ARSG: variants seen among roughly 807,000 people sequenced by gnomAD.
ARSG encodes ASG.
ARSG carries 37 observed loss-of-function variants against 50.5 expected under a neutral mutation model. The observed-to-expected ratio is 0.73, with a 90% CI of 0.56 to 0.96. The LOEUF is 0.96. ARSG is among the 50% of genes least tolerant of loss of function. The pLI is 0.00. For synonymous variants in ARSG, 225 were observed against 254.6 expected (o/e 0.88, Z 1.11); for missense variants, 629 against 675.3 (o/e 0.93, Z 0.76).
At chr17:68,314,771 T>C (rs1555767946) in intron 2 of ARSG, among the ~76,000 whole-genome samples, 1 of 152,200 alleles carries the variant, frequency 6.6e-6, no homozygotes, top group African/African-American at 2.4e-5. Flanking sequence ...ATACAATAGA[T>C]AGGGTTCTAT....
chr17:68,399,722 C>A lies in ARSG; in HGVS notation c.1213-1638C>A, dbSNP rs2147209095. 6.6e-6 allele frequency among the ~76,000 whole-genome samples: 1 copy of A among 152,280 alleles called. No individual in the cohort carries two copies. The highest frequency in any genetic ancestry group is 1.5e-5 in the Non-Finnish European group (1 of 68,034). Reference sequence around the variant, plus strand: ...AAATAGTGGGAATATAGCAGCCCACCCTCATGGAATTTCTGTGACTGAGAC... The same window carrying A: ...AAATAGTGGGAATATAGCAGCCCACACTCATGGAATTTCTGTGACTGAGAC... On this transcript the variant is annotated intron_variant, in intron 10 of 11. Transcript: ENST00000621439. The surrounding 1 kb of genome is among the most constrained non-coding windows in gnomAD (Gnocchi z 4.6).
intron 11 of ARSG, chr17:68,413,883 GCCGTCTGTCA>G (rs2082184238): frequency 6.6e-6 from 1 of 152,480 alleles, no homozygotes; most frequent in Non-Finnish European, 1.5e-5. Context: ...TTTTCCAGGT[GCCGTCTGTCA>G]CCCCTTTCTT....
intron 2 of ARSG, among the ~76,000 whole-genome samples, chr17:68,329,556 G>A (rs896516521): frequency 6.6e-6 from 1 of 152,174 alleles, no homozygotes; most frequent in Non-Finnish European, 1.5e-5. Flanking sequence ...GCTGAGATGA[G>A]CACAGTCTAA....
rs558488777 is a variant in ARSG, at chr17:68,329,981, G to A, written c.219-13623G>A. ...TCCCAGCACTTTGGGAAGCCAAGAC[G>A]GGTGGATCACCTGAGGTTGGGGGTT... On this transcript the variant is annotated intron_variant, in intron 2 of 11. Coordinates refer to ENST00000621439, the MANE Select transcript of ARSG (RefSeq NM_001267727.2). 8.5e-5 allele frequency among the ~76,000 whole-genome samples: 13 copies of A among 152,134 alleles called. No homozygotes were observed. The East Asian group carries it at 1.4e-3, about 16-fold the overall frequency.
At chr17:68,289,955 C>T (rs1555755297), upstream of ARSG, among the ~76,000 whole-genome samples, 1 of 152,106 alleles carries the variant, frequency 6.6e-6, no homozygotes, top group Admixed American at 6.5e-5. Context: ...ATCATCTGGC[C>T]GGATGTATTG....
At position 68,330,983 on chromosome 17, in the gene ARSG, G is replaced by C. The variant is rs934580632; in HGVS notation, c.219-12621G>C. On this transcript the variant is annotated intron_variant, in intron 2 of 11. Coordinates refer to ENST00000621439, the MANE Select transcript of ARSG (RefSeq NM_001267727.2). Reference sequence around the variant, plus strand: ...TCTTTATTTCTTTTTTTTTGCGGGGGGGGGGGGAGGTGGTGGGCGGGGACA... The same window carrying C: ...TCTTTATTTCTTTTTTTTTGCGGGGCGGGGGGGAGGTGGTGGGCGGGGACA... Among the ~76,000 whole-genome samples the C allele has an allele frequency of 1.7e-4, 15 of 89,482 alleles. No individual in the cohort carries two copies. The South Asian group carries it at 2.1e-3, about 13-fold the overall frequency. The allele number at this position is 89,482 out of a possible 152,430, so 58.7% of individuals were successfully genotyped here.
In ARSG at chr17:68,403,401, C is replaced by G. The variant is rs552899695; in HGVS notation, c.1303+1951C>G. Among the ~76,000 whole-genome samples the G allele has an allele frequency of 3.3e-5, 5 of 152,314 alleles. No individual in the cohort carries two copies. The South Asian group carries it at 6.2e-4, about 19-fold the overall frequency. ...GAGGTCTGCTCTTCTAAGGAGTCAC[C>G]AAACTCCCAAGAGAGTCTGGGTAGG... is the stretch of plus-strand genomic sequence containing the variant. On this transcript the variant is annotated intron_variant, in intron 11 of 11. Coordinates refer to ENST00000621439, the MANE Select transcript of ARSG (RefSeq NM_001267727.2).
chr17:68,403,857 C>G lies in ARSG; in HGVS notation c.1303+2407C>G, dbSNP rs368557456. 2.0e-5 allele frequency among the ~76,000 whole-genome samples: 3 copies of G among 152,236 alleles called. No individual in the cohort carries two copies. In the East Asian group the frequency reaches 5.8e-4, roughly 29 times the overall value. The stretch of plus-strand genomic sequence containing the variant: ...ATATCTCCTAATGCTTTCCCTCCCC[C>G]CTCACCCCACCCCACGACAGGCCCC... On this transcript the variant is annotated intron_variant, in intron 11 of 11. Transcript: ENST00000621439.
intron 1 of ARSG, among the ~76,000 whole-genome samples, chr17:68,276,773 A>C (rs2075537797): frequency 6.6e-6 from 1 of 152,114 alleles, no homozygotes; most frequent in East Asian, 1.9e-4. Flanking sequence ...TTCTGAGGTG[A>C]GTTCAACAGC....
At chr17:68,300,934 T>C (rs1187293291) in intron 1 of ARSG, among the ~76,000 whole-genome samples, 4 of 151,440 alleles carry the variant, frequency 2.6e-5, no homozygotes, top group East Asian at 3.9e-4. Context: ...CTGGCTAACA[T>C]GGTGAAACCC....
the ARSG span, among the ~76,000 whole-genome samples, chr17:68,444,900 C>A: frequency 2.2e-4 from 33 of 148,088 alleles, no homozygotes; most frequent in African/African-American, 7.7e-4. Flanking sequence ...TTCCTTAGAA[C>A]AGGGATCCTG....
the ARSG span, among the ~76,000 whole-genome samples, chr17:68,440,400 C>T: frequency 6.6e-6 from 1 of 152,122 alleles, no homozygotes; most frequent in South Asian, 2.1e-4. Flanking sequence ...ACAGGTGTTA[C>T]ACAAAGCCTT....
chr17:68,426,254 G>GGGGGGGTGGGGC, downstream of ARSG: 1 of 816,924 alleles, frequency 1.2e-6, no homozygotes, highest in Non-Finnish European at 1.9e-6. Context: ...GGGAGCGGGG[G>GGGGGGGTGGGGC]CTCAAATAAA....
At chr17:68,435,608 G>A in the ARSG span, 1 of 1,613,552 alleles carries the variant, frequency 6.2e-7, no homozygotes, top group South Asian at 1.1e-5. Flanking sequence ...GTGTTGGTGG[G>A]AGTGGACTCA....
chr17:68,288,553 G>A (rs2075895892), upstream of ARSG, among the ~76,000 whole-genome samples: 1 of 152,078 alleles, frequency 6.6e-6, no homozygotes. Context: ...CCTGCTTTAC[G>A]GATGATGGAA....
At chr17:68,279,939 T>C (rs2145085729) in intron 1 of ARSG, among the ~76,000 whole-genome samples, 1 of 152,224 alleles carries the variant, frequency 6.6e-6, no homozygotes. Context: ...CCCAGCACTT[T>C]GGGAGGCCAA....
At chr17:68,273,149 A>T (rs1398444179) in intron 1 of ARSG, among the ~76,000 whole-genome samples, 1 of 152,148 alleles carries the variant, frequency 6.6e-6, no homozygotes, top group Non-Finnish European at 1.5e-5. Flanking sequence ...GCAAATCTTA[A>T]CAACTGTGTG....
At chr17:68,415,783 T>G (rs961391113) in intron 11 of ARSG, among the ~76,000 whole-genome samples, 1 of 152,234 alleles carries the variant, frequency 6.6e-6, no homozygotes. Flanking sequence ...GTCTCTGTCT[T>G]TTTTAACTGC....
Position 68,401,197 on chromosome 17 carries a change from AT to A in ARSG, c.1213-156del, listed in dbSNP as rs1334131423. 10 of 621,132 alleles carry A rather than the reference AT, an allele frequency of 1.6e-5. No individual in the cohort carries two copies. The Admixed American group carries it at 1.9e-4, about 12-fold the overall frequency. 38.5% of individuals were successfully genotyped at this position (621,132 alleles called of 1,614,324 possible). ...ACCACCATGCCTGGTTAACTTTTGTATTTTTTTGTAGGGAGGGGTCTTGCTG... is the reference window on the plus strand; with the variant it reads ...ACCACCATGCCTGGTTAACTTTTGTATTTTTTGTAGGGAGGGGTCTTGCTG... On this transcript the variant is annotated intron_variant, in intron 10 of 11. Transcript: ENST00000621439.
Sources: allele counts gnomAD v4.1 joint callset (sites outside exome capture counted in the v4.1 genomes callset), GRCh38; gene constraint gnomAD v4.1.1; non-coding constraint Gnocchi (gnomAD v3.1); transcripts MANE v1.5; gene names NCBI Gene and HGNC (gene_info 2026-07-23, HGNC 2026-07-21).